HMBOX1: variants seen among roughly 807,000 people sequenced by gnomAD.
The protein encoded by HMBOX1 is homeobox-containing protein 1.
HMBOX1 carries 14 observed loss-of-function variants against 54.5 expected under a neutral mutation model. That is an observed-to-expected ratio of 0.26 (90% CI 0.17 to 0.40). The LOEUF (loss-of-function observed/expected upper bound fraction) is 0.40, where lower values mean the gene tolerates loss of function less well. Among genes scored for constraint, HMBOX1 ranks in the 10% least tolerant of loss-of-function variants. The pLI, the probability that HMBOX1 is intolerant of heterozygous loss-of-function variation, is 1.00. For missense variants in HMBOX1, 332 were observed against 514.4 expected, an observed-to-expected ratio of 0.65 and a Z score of 3.43; for synonymous variants, 160 against 181.0, an observed-to-expected ratio of 0.88 and a Z score of 0.93.
At chr8:28,948,272 A>T (rs1474177325) in intron 1 of HMBOX1, among the ~76,000 whole-genome samples, 2 of 152,132 alleles carry the variant, frequency 1.3e-5, no homozygotes, top group African/African-American at 4.8e-5. Flanking sequence ...TGTAACCTCC[A>T]TGTGAGCAGG....
At chr8:28,942,220 C>G (rs187687995) in intron 1 of HMBOX1, among the ~76,000 whole-genome samples, 1 of 152,302 alleles carries the variant, frequency 6.6e-6, no homozygotes. Context: ...TAGTTCAGCG[C>G]AGTCTCCTTC....
At chr8:28,999,190 G>T (rs1832286122) in intron 4 of HMBOX1, among the ~76,000 whole-genome samples, 1 of 152,036 alleles carries the variant, frequency 6.6e-6, no homozygotes, top group South Asian at 2.1e-4. Flanking sequence ...CATATTTTCT[G>T]TAATTTTACT....
At chr8:28,936,997 T>C (rs1251105218) in intron 1 of HMBOX1, among the ~76,000 whole-genome samples, 4 of 152,136 alleles carry the variant, frequency 2.6e-5, no homozygotes, top group Admixed American at 6.5e-5. Context: ...GATGGTAGTA[T>C]TGAAAAGAGT....
chr8:29,001,435 G>A (rs537976655), intron 4 of HMBOX1, among the ~76,000 whole-genome samples: 8 of 151,982 alleles, frequency 5.3e-5, no homozygotes, highest in South Asian at 2.1e-4. Context: ...CTGTAATCCC[G>A]GCTACTCAGG....
At position 29,009,080 on chromosome 8, in the gene HMBOX1, C is replaced by A; in HGVS notation, c.595C>A (p.Gln199Lys). ...AVVAQVTGISQSRISHWLLQQ... is the reference protein window; with the variant it reads ...AVVAQVTGISKSRISHWLLQQ... ...TTTCTCTTTCTACATAGGTATCAGT[C>A]AGAGCCGGATCTCTCATTGGCTGTT... The change falls in exon 5 of 10, where the codon CAG becomes AAG. Residue 199 changes from glutamine to lysine, a missense_variant. By Grantham distance (53) the Gln-to-Lys change is moderately conservative (BLOSUM62 1). Coordinates refer to ENST00000287701, the MANE Select transcript of HMBOX1 (RefSeq NM_001135726.3). The A allele has an allele frequency of 6.2e-7, 1 of 1,612,354 alleles. No individual in the cohort carries two copies. The highest frequency in any genetic ancestry group is 1.1e-5 in the South Asian group (1 of 91,008).
Position 28,960,765 on chromosome 8 carries a change from C to CTTTTTTTTT in HMBOX1, c.-57-3015_-57-3007dup, listed in dbSNP as rs1162477676. Among the ~76,000 whole-genome samples, 18 of 16,256 alleles carry CTTTTTTTTT rather than the reference C, an allele frequency of 1.1e-3. 1 individual carries two copies. The highest frequency in any genetic ancestry group is 0.031 in the Middle Eastern group (1 of 32). The allele number at this position is 16,256 out of a possible 152,430, so 10.7% of individuals were successfully genotyped here. On this transcript the variant is annotated intron_variant, in intron 1 of 9. Transcript: ENST00000287701. ...TTATTCTCTTTTTCTTTTTCTTTTT[C>CTTTTTTTTT]TTTTTTTTTTTTTTTTTTTTTTTTT...
chr8:28,923,047 T>C (rs1306509309), intron 1 of HMBOX1, among the ~76,000 whole-genome samples: 4 of 152,236 alleles, frequency 2.6e-5, no homozygotes, highest in Admixed American at 2.6e-4. Flanking sequence ...TTTTAACTAT[T>C]TTAATGAGTA....
In HMBOX1 at chr8:29,001,583, CAAAACAAAACAA is replaced by C. The variant is rs1461645566; in HGVS notation, c.587-7488_587-7477del. On this transcript the variant is annotated intron_variant, in intron 4 of 9. Transcript: ENST00000287701. The stretch of plus-strand genomic sequence containing the variant: ...CAAAACAAAACAAAACAAAACAAAA[CAAAACAAAACAA>C]GACATTTAGGTATTGACTGGAAAGG... Among the ~76,000 whole-genome samples, 8 of 150,072 alleles carry C rather than the reference CAAAACAAAACAA, an allele frequency of 5.3e-5. No individual in the cohort carries two copies. In the East Asian group the frequency reaches 9.7e-4, roughly 18 times the overall value.
intron 1 of HMBOX1, among the ~76,000 whole-genome samples, chr8:28,952,508 ACAGG>A (rs1823658801): frequency 6.6e-6 from 1 of 152,216 alleles, no homozygotes; most frequent in East Asian, 1.9e-4. Flanking sequence ...TGCTGGGATT[ACAGG>A]CATTAGGCAC....
At chr8:28,961,152 A>C (rs1044445169) in intron 1 of HMBOX1, among the ~76,000 whole-genome samples, 1 of 151,946 alleles carries the variant, frequency 6.6e-6, no homozygotes, top group Non-Finnish European at 1.5e-5. Flanking sequence ...AGCATCCATA[A>C]ATTTATATCC....
At chr8:28,952,172 A>AG (rs1457569079) in intron 1 of HMBOX1, among the ~76,000 whole-genome samples, 8 of 151,258 alleles carry the variant, frequency 5.3e-5, no homozygotes, top group African/African-American at 1.5e-4. Flanking sequence ...AAAAAAAAAA[A>AG]AAAGAAAAAG....
intron 4 of HMBOX1, among the ~76,000 whole-genome samples, chr8:28,990,959 TAGTC>T (rs1159811151): frequency 1.3e-5 from 2 of 152,194 alleles, no homozygotes; most frequent in Non-Finnish European, 2.9e-5. Context: ...CGGCTCTTTC[TAGTC>T]TTACAATGTC....
chr8:29,030,998 C>T (rs1429040264), intron 6 of HMBOX1, among the ~76,000 whole-genome samples: 1 of 152,192 alleles, frequency 6.6e-6, no homozygotes, highest in Non-Finnish European at 1.5e-5. Flanking sequence ...AGAATTGCTT[C>T]CTTCTTCCTT....
intron 1 of HMBOX1, among the ~76,000 whole-genome samples, chr8:28,947,044 A>G (rs1259307848): frequency 1.3e-5 from 2 of 152,202 alleles, no homozygotes; most frequent in Non-Finnish European, 2.9e-5. Flanking sequence ...GAACATAAGA[A>G]AGAGAGAAAA....
intron 1 of HMBOX1, among the ~76,000 whole-genome samples, chr8:28,958,179 A>G (rs1204833668): frequency 1.3e-5 from 2 of 152,148 alleles, no homozygotes; most frequent in Non-Finnish European, 1.5e-5. Context: ...ATTGCCCAGG[A>G]TAGTCTTGAA....
chr8:28,903,095 A>T (rs1295422989), intron 1 of HMBOX1, among the ~76,000 whole-genome samples: 1 of 152,068 alleles, frequency 6.6e-6, no homozygotes, highest in Non-Finnish European at 1.5e-5. Flanking sequence ...GTGGACATTT[A>T]AGCTTTCTTT....
chr8:29,033,077 A>G (rs1275204747), intron 6 of HMBOX1, among the ~76,000 whole-genome samples: 1 of 152,058 alleles, frequency 6.6e-6, no homozygotes, highest in African/African-American at 2.4e-5. Flanking sequence ...TGAGTCCTTT[A>G]AAATGTGATG....
At chr8:28,995,488 T>G (rs1286894693) in intron 4 of HMBOX1, among the ~76,000 whole-genome samples, 2 of 152,220 alleles carry the variant, frequency 1.3e-5, no homozygotes, top group East Asian at 3.8e-4. Flanking sequence ...AGTTTTCGAG[T>G]GGACAGATTC....
intron 1 of HMBOX1, among the ~76,000 whole-genome samples, chr8:28,916,676 C>T (rs1179374319): frequency 6.6e-6 from 1 of 152,150 alleles, no homozygotes; most frequent in Non-Finnish European, 1.5e-5. Flanking sequence ...ATCTATCTGT[C>T]TGTCCCTTTT....
Sources: gnomAD v4.1 joint callset for allele counts (sites outside exome capture counted in the v4.1 genomes callset) on GRCh38, gnomAD v4.1.1 for gene constraint, MANE v1.5 for transcripts, NCBI Gene and HGNC (gene_info 2026-07-23, HGNC 2026-07-21) for gene names.